SREBF2: variants seen among roughly 807,000 people sequenced by gnomAD.
The protein encoded by SREBF2 is sterol regulatory element binding transcription factor 2.
SREBF2 carries 55 observed loss-of-function variants against 113.1 expected under a neutral mutation model. That is an observed-to-expected ratio of 0.49 (90% confidence interval 0.39 to 0.61). SREBF2 has a LOEUF of 0.61. Ranked by LOEUF, SREBF2 falls within the 20% of genes least tolerant of loss-of-function variation. The pLI is 0.00. For missense variants in SREBF2, 1,349 were observed against 1,487.4 expected (o/e 0.91, Z 1.53); for synonymous variants, 593 against 605.7 (o/e 0.98, Z 0.31).
Position 41,877,937 on chromosome 22 carries a change from C to T in SREBF2, c.1580-5C>T, listed in dbSNP as rs1478151887. The stretch of plus-strand genomic sequence containing the variant: ...AGCAGACTCTGCTGAGACGCTCCTT[C>T]TTAGGTTCTGGGGGCTGGTTTGACT... On this transcript the variant is annotated splice_region_variant and splice_polypyrimidine_tract_variant and intron_variant, in intron 8 of 18. Transcript: ENST00000361204. 6.2e-7 allele frequency: 1 copy of T among 1,614,184 alleles called. No individual in the cohort carries two copies. Among genetic ancestry groups the T allele is most frequent in the East Asian group, 2.2e-5 (1 of 44,874 alleles).
intron 14 of SREBF2, among the ~76,000 whole-genome samples, chr22:41,897,800 A>G (rs998039474): frequency 2.6e-5 from 4 of 151,996 alleles, no homozygotes; most frequent in Non-Finnish European, 2.9e-5. Context: ...ATGATCCCTG[A>G]CCTGTGGCCT....
intron 1 of SREBF2, among the ~76,000 whole-genome samples, chr22:41,863,124 C>G (rs1187741107): frequency 1.3e-5 from 2 of 152,244 alleles, no homozygotes; most frequent in Admixed American, 6.5e-5. Context: ...GTCTACCCTT[C>G]ACCAAGCACT....
intron 2 of SREBF2, 31 bp from the exon 3 acceptor site, chr22:41,868,578 ATC>A: frequency 1.2e-6 from 2 of 1,610,582 alleles, no homozygotes; most frequent in Non-Finnish European, 1.7e-6. Context: ...TGCATTCCTC[ATC>A]TCTGTGCCTT....
chr22:41,904,411 C>T (rs2077488285), intron 17 of SREBF2: 4 of 361,696 alleles, frequency 1.1e-5, no homozygotes, highest in South Asian at 8.5e-5. Flanking sequence ...TTTACCCGCA[C>T]ACCTCTAGAC....
intron 3 of SREBF2, 130 bp downstream of exon 3, chr22:41,868,922 T>A: frequency 8.3e-7 from 1 of 1,201,768 alleles, no homozygotes. Context: ...GGCGCCAGGA[T>A]GCACCTGTGA....
chr22:41,859,147 A>C (rs897621284), intron 1 of SREBF2, among the ~76,000 whole-genome samples: 13 of 151,146 alleles, frequency 8.6e-5, no homozygotes, highest in South Asian at 4.2e-4. Flanking sequence ...AAGTGGGGGG[A>C]CCTAATAAAA....
intron 1 of SREBF2, among the ~76,000 whole-genome samples, chr22:41,866,287 A>G (rs1000837380): frequency 6.6e-6 from 1 of 151,872 alleles, no homozygotes; most frequent in Admixed American, 6.5e-5. Flanking sequence ...GCGGTGGCTC[A>G]CACCTGTAAT....
At chr22:41,877,483 C>A in intron 8 of SREBF2, 62 bp downstream of exon 8, 2 of 1,575,432 alleles carry the variant, frequency 1.3e-6, no homozygotes, top group Non-Finnish European at 8.7e-7. Flanking sequence ...GAGAAGGACC[C>A]TGTGTACAAA....
chr22:41,866,349 G>A (rs2077074300), intron 1 of SREBF2, among the ~76,000 whole-genome samples: 2 of 152,028 alleles, frequency 1.3e-5, no homozygotes, highest in Non-Finnish European at 2.9e-5. Flanking sequence ...TCAGGAGTTC[G>A]AGACCCACCT....
intron 1 of SREBF2, among the ~76,000 whole-genome samples, chr22:41,842,308 C>G (rs2076838200): frequency 6.6e-6 from 1 of 152,174 alleles, no homozygotes; most frequent in Admixed American, 6.5e-5. Context: ...ACAAAAGAAG[C>G]TAATAACAAA....
chr22:41,890,918 A>G (rs1259344105), intron 11 of SREBF2, among the ~76,000 whole-genome samples: 1 of 151,822 alleles, frequency 6.6e-6, no homozygotes, highest in Non-Finnish European at 1.5e-5. Flanking sequence ...TAAAAAAAAA[A>G]AGAAAAGAAA....
At chr22:41,865,112 T>C (rs1044769141) in intron 1 of SREBF2, among the ~76,000 whole-genome samples, 3 of 149,000 alleles carry the variant, frequency 2.0e-5, no homozygotes, top group Non-Finnish European at 3.0e-5. Flanking sequence ...TATACAAATA[T>C]ACCCCAGGCT....
rs565057588 is a variant in SREBF2, at chr22:41,837,719, G to A, written c.88+4361G>A. ...ACTAAAAATACAAAATTAGCCGGGC[G>A]TCGTGGCACATGCCTGTAATCCCAG... On this transcript the variant is annotated intron_variant, in intron 1 of 18. Transcript: ENST00000361204. Among the ~76,000 whole-genome samples, 28 of 150,548 alleles carry A rather than the reference G, an allele frequency of 1.9e-4. 2 individuals carry two copies. In the East Asian group the frequency reaches 4.5e-3, roughly 24 times the overall value.
rs772439466 is a variant in SREBF2 at position 41,897,121 on chromosome 22, C to T, written c.2565C>T (p.Ser855=). 4.7e-5 allele frequency: 75 copies of T among 1,611,910 alleles called. No homozygotes were observed. The highest frequency in any genetic ancestry group is 6.1e-5 in the Non-Finnish European group (72 of 1,179,662). ...TTGTGGACTCTGTGGGGGTTATGAG[C>T]CCCCCACTCTCCAGGAGCTCCGTGC... ...HSFVDSVGVM[S]PPLSRSSVLK... The change falls in exon 14 of 19, where the codon AGC becomes AGT. Residue 855 remains serine (S), a synonymous_variant. Transcript: ENST00000361204.
chr22:41,905,589 C>A lies in SREBF2; in HGVS notation c.3355C>A (p.Arg1119=). ...CCGCACCCTGGAGAAGGTGGGCGACCGGCGCTCCTGCAACGACTGCCAGCA... is the reference window on the plus strand; with the variant it reads ...CCGCACCCTGGAGAAGGTGGGCGACAGGCGCTCCTGCAACGACTGCCAGCA... ...AARTLEKVGD[R]RSCNDCQQMI... is the part of the protein sequence containing the mutation. Residue 1119 remains arginine (R), a synonymous_variant, in exon 19 of 19, where the codon CGG becomes AGG. Transcript: ENST00000361204. 1 of 1,598,882 alleles carries A rather than the reference C, an allele frequency of 6.3e-7. No individual in the cohort carries two copies. Among genetic ancestry groups the A allele is most frequent in the Non-Finnish European group, 8.5e-7 (1 of 1,173,734 alleles).
At chr22:41,875,187 G>A in intron 5 of SREBF2, 150 bp from the exon 6 acceptor site, 1 of 699,536 alleles carries the variant, frequency 1.4e-6, no homozygotes, top group South Asian at 1.5e-5. Context: ...CTTCTCCCGA[G>A]TGGCACAGCT....
At chr22:41,837,586 C>T (rs1252355150) in intron 1 of SREBF2, among the ~76,000 whole-genome samples, 2 of 141,162 alleles carry the variant, frequency 1.4e-5, no homozygotes, top group Non-Finnish European at 3.0e-5. Flanking sequence ...ATGCTGGACA[C>T]GGTGGCTCAC....
At chr22:41,905,126 T>C (rs956258950) in intron 18 of SREBF2, 152 bp downstream of exon 18, 2 of 825,404 alleles carry the variant, frequency 2.4e-6, no homozygotes, top group South Asian at 3.4e-5. Flanking sequence ...AGGCCGCCCT[T>C]GGTGGGTTGC....
rs761127216 is a variant in SREBF2, at chr22:41,893,183, C to T, written c.2275C>T (p.Arg759Cys). The T allele has an allele frequency of 9.3e-6, 15 of 1,614,166 alleles. No homozygotes were observed. The Admixed American group carries it at 1.3e-4, about 14-fold the overall frequency. The change falls in exon 12 of 19, where the codon CGC becomes TGC. Residue 759 changes from arginine (R) to cysteine (C), a missense_variant. Around this residue, in one of 2 missense-constraint regions of SREBF2, gnomAD observed 650 missense variants for 644.1 expected, o/e 1.01. Transcript: ENST00000361204. ...PEHSAVPDSL[R>C]WLCHPLGQKF... ...GCACAGTGCTGTTCCTGACTCCCTGCGCTGGCTCTGCCACCCCCTGGGCCA... is the reference window on the plus strand; with the variant it reads ...GCACAGTGCTGTTCCTGACTCCCTGTGCTGGCTCTGCCACCCCCTGGGCCA...
Sources: allele counts gnomAD v4.1 joint callset (sites outside exome capture counted in the v4.1 genomes callset), GRCh38; gene constraint gnomAD v4.1.1; regional missense constraint gnomAD v4.1.1; transcripts MANE v1.5; gene names NCBI Gene and HGNC (gene_info 2026-07-23, HGNC 2026-07-21).